The following NDUFA8 variants were observed in gnomAD, a reference collection of about 807,000 sequenced individuals.
NDUFA8 encodes NADH dehydrogenase [ubiquinone] 1 alpha subcomplex subunit 8.
A neutral mutation model predicts 20.9 loss-of-function variants in NDUFA8; 16 were observed. The ratio of observed to expected loss-of-function variants is 0.77; its 90% CI spans 0.52 to 1.16. NDUFA8 has a LOEUF of 1.16. Ranked by LOEUF, NDUFA8 falls within the 50% of genes most tolerant of loss-of-function variation. The pLI is 0.00. For synonymous variants in NDUFA8, 70 were observed against 76.1 expected (o/e 0.92, Z 0.41); for missense variants, 202 against 216.4 (o/e 0.93, Z 0.42).
chr9:122,158,778 T>G (rs1178572952), intron 1 of NDUFA8, among the ~76,000 whole-genome samples: 1 of 146,402 alleles, frequency 6.8e-6, no homozygotes, highest in Non-Finnish European at 1.5e-5. Flanking sequence ...ACACACCAAT[T>G]GTGTGTGTGT....
chr9:122,134,297 G>A, the NDUFA8 span, among the ~76,000 whole-genome samples: 1 of 152,146 alleles, frequency 6.6e-6, no homozygotes, highest in African/African-American at 2.4e-5. Flanking sequence ...TTACGGTTTT[G>A]GAATCAGACA....
chr9:122,144,722 A>G (rs1828875775), intron 3 of NDUFA8, among the ~76,000 whole-genome samples: 2 of 152,332 alleles, frequency 1.3e-5, no homozygotes, highest in Non-Finnish European at 1.5e-5. Context: ...AACTGCCTCT[A>G]TAGGAGCAAG....
intron 3 of NDUFA8, among the ~76,000 whole-genome samples, chr9:122,147,085 CAG>C (rs1400609784): frequency 6.6e-6 from 1 of 152,216 alleles, no homozygotes; most frequent in Non-Finnish European, 1.5e-5. Flanking sequence ...GTTTTCCACA[CAG>C]ATCACTCTTC....
chr9:122,159,764 C>G lies in NDUFA8; in HGVS notation c.-87G>C, dbSNP rs959136652. On this transcript the variant is annotated 5_prime_UTR_variant, in exon 1 of 4. Transcript: ENST00000373768. ...CTCCCCTTTCGACCGCCGAGTGCCACACGGCGCCTGCGCATGCGCATCCGG... is the reference window on the plus strand; with the variant it reads ...CTCCCCTTTCGACCGCCGAGTGCCAGACGGCGCCTGCGCATGCGCATCCGG... 2.4e-5 allele frequency: 39 copies of G among 1,595,294 alleles called. No homozygotes were observed. Among genetic ancestry groups the G allele is most frequent in the African/African-American group, 1.2e-4 (9 of 74,626 alleles).
chr9:122,155,767 TA>T (rs764843399), intron 1 of NDUFA8, among the ~76,000 whole-genome samples: 5 of 152,224 alleles, frequency 3.3e-5, no homozygotes, highest in Non-Finnish European at 7.3e-5. Context: ...TCATATGCCT[TA>T]AAAGAGCTTT....
At chr9:122,155,831 T>G (rs1829069004) in intron 1 of NDUFA8, among the ~76,000 whole-genome samples, 1 of 152,236 alleles carries the variant, frequency 6.6e-6, no homozygotes, top group Non-Finnish European at 1.5e-5. Flanking sequence ...CCAAAAAGAC[T>G]GACGCATTAT....
chr9:122,135,027 A>G, the NDUFA8 span, among the ~76,000 whole-genome samples: 2 of 152,212 alleles, frequency 1.3e-5, no homozygotes, highest in South Asian at 2.1e-4. Context: ...CGGTCTTTTC[A>G]TTAATGCCAT....
At chr9:122,156,071 T>A (rs778918722) in intron 1 of NDUFA8, among the ~76,000 whole-genome samples, 2 of 152,216 alleles carry the variant, frequency 1.3e-5, no homozygotes, top group Non-Finnish European at 2.9e-5. Flanking sequence ...TATATCACCA[T>A]CACTGAGGTG....
intron 3 of NDUFA8, 143 bp downstream of exon 3, chr9:122,147,969 A>C (rs1828930968): frequency 9.4e-7 from 1 of 1,059,178 alleles, no homozygotes; most frequent in Non-Finnish European, 1.4e-6. Flanking sequence ...GATTGTGTAT[A>C]ATCACTGCCT....
At chr9:122,153,604 A>G (rs1391205218) in intron 1 of NDUFA8, among the ~76,000 whole-genome samples, 1 of 152,182 alleles carries the variant, frequency 6.6e-6, no homozygotes, top group Non-Finnish European at 1.5e-5. Flanking sequence ...AGGGCCTACA[A>G]ACAGCTGCTT....
At chr9:122,134,427 C>G in the NDUFA8 span, among the ~76,000 whole-genome samples, 1 of 152,128 alleles carries the variant, frequency 6.6e-6, no homozygotes, top group African/African-American at 2.4e-5. Flanking sequence ...ACAGGAACGC[C>G]TATTTCATGA....
intron 1 of NDUFA8, 22 bp from the exon 2 acceptor site, chr9:122,152,430 A>G: frequency 6.2e-7 from 1 of 1,613,446 alleles, no homozygotes; most frequent in Non-Finnish European, 8.5e-7. Flanking sequence ...AAGATGGGAC[A>G]AAGGCCACAG....
At chr9:122,136,983 C>A in the NDUFA8 span, among the ~76,000 whole-genome samples, 2 of 152,184 alleles carry the variant, frequency 1.3e-5, no homozygotes, top group Non-Finnish European at 2.9e-5. Flanking sequence ...CCAAGCACTG[C>A]TCCCCACTCT....
chr9:122,141,879 C>T (rs1588289505), downstream of NDUFA8, among the ~76,000 whole-genome samples: 2 of 152,268 alleles, frequency 1.3e-5, no homozygotes, highest in East Asian at 1.9e-4. Flanking sequence ...AAGTCAGTTT[C>T]TTTGTTCAAG....
chr9:122,144,135 G>T lies in NDUFA8; in HGVS notation c.*106C>A. ...CACATAAGTTAACTTTTTTGTTAAT[G>T]TTTGTGATCCCGGAAAGAACACACT... On this transcript the variant is annotated 3_prime_UTR_variant, in exon 4 of 4. Transcript: ENST00000373768. 2.5e-6 allele frequency: 4 copies of T among 1,587,532 alleles called. No homozygotes were observed. Among genetic ancestry groups the T allele is most frequent in the South Asian group, 2.3e-5 (2 of 87,408 alleles).
chr9:122,135,036 A>G, the NDUFA8 span, among the ~76,000 whole-genome samples: 2 of 152,186 alleles, frequency 1.3e-5, no homozygotes, highest in Non-Finnish European at 2.9e-5. Flanking sequence ...CATTAATGCC[A>G]TTGTCCACCA....
At chr9:122,151,862 C>T (rs11791298) in intron 2 of NDUFA8, among the ~76,000 whole-genome samples, 3,788 of 152,224 alleles carry the variant, frequency 0.025, 64 homozygotes, top group South Asian at 0.037. Flanking sequence ...TCCATCATAC[C>T]TGTGTTCTGT....
rs778570807 is a variant in NDUFA8, at chr9:122,159,710, C to G, written c.-33G>C. The G allele has an allele frequency of 1.2e-6, 2 of 1,613,906 alleles. No individual in the cohort carries two copies. The highest frequency in any genetic ancestry group is 2.7e-5 in the African/African-American group (2 of 74,942). ...GCAGCCCCGACCCCGACGAGAAGCC[C>G]TCAGCCGCGTCGCCCCCGTCTCCTT... On this transcript the variant is annotated 5_prime_UTR_variant, in exon 1 of 4. Transcript: ENST00000373768.
chr9:122,142,428 C>T (rs1556216), downstream of NDUFA8, among the ~76,000 whole-genome samples: 113,037 of 152,038 alleles, frequency 0.74, 42,466 homozygotes, highest in African/African-American at 0.81. Flanking sequence ...CCACACTACA[C>T]ACCAATTACA....
Sources: gnomAD v4.1 joint callset for allele counts (sites outside exome capture counted in the v4.1 genomes callset) on GRCh38, gnomAD v4.1.1 for gene constraint, MANE v1.5 for transcripts, NCBI Gene and HGNC (gene_info 2026-07-23, HGNC 2026-07-21) for gene names.